Variants in CHL1 observed in about 807,000 individuals in gnomAD.
CHL1 encodes neural cell adhesion molecule L1-like protein.
A neutral mutation model predicts 141.9 loss-of-function variants in CHL1; 96 were observed. The observed-to-expected ratio is 0.68, with a 90% CI of 0.57 to 0.80. The LOEUF (loss-of-function observed/expected upper bound fraction) is 0.80. Ranked by LOEUF, CHL1 falls within the 30% of genes least tolerant of loss-of-function variation. The pLI is 0.00. For missense variants in CHL1, 1,820 were observed against 1,457.2 expected (o/e 1.25, Z -4.05); for synonymous variants, 613 against 502.2 (o/e 1.22, Z -2.95).
At chr3:303,573 C>T (rs553056045) in intron 2 of CHL1, among the ~76,000 whole-genome samples, 8 of 152,236 alleles carry the variant, frequency 5.3e-5, no homozygotes, top group South Asian at 2.1e-4. Context: ...GATTTTTGCA[C>T]GTTGATTTTG....
chr3:229,461 C>T (rs566682932), intron 1 of CHL1, among the ~76,000 whole-genome samples: 1 of 152,256 alleles, frequency 6.6e-6, no homozygotes, highest in East Asian at 1.9e-4. Context: ...TCAGTGCAGG[C>T]AACAACCTGA....
chr3:280,419 C>G (rs963975025), intron 2 of CHL1, among the ~76,000 whole-genome samples: 10 of 152,024 alleles, frequency 6.6e-5, no homozygotes, highest in Admixed American at 2.0e-4. Flanking sequence ...TAACAGCAAA[C>G]TGAAGAGCCA....
chr3:362,726 G>A (rs1198514252), intron 13 of CHL1, among the ~76,000 whole-genome samples: 3 of 152,182 alleles, frequency 2.0e-5, no homozygotes, highest in South Asian at 2.1e-4. Context: ...TGGAGGAAAT[G>A]GCTCTGGGGT....
intron 2 of CHL1, among the ~76,000 whole-genome samples, chr3:304,129 G>A (rs1189908242): frequency 6.6e-6 from 1 of 152,086 alleles, no homozygotes; most frequent in Non-Finnish European, 1.5e-5. Context: ...ATGTGCTGCT[G>A]GATTCCATTT....
chr3:350,925 A>G (rs1186041268), intron 10 of CHL1, among the ~76,000 whole-genome samples: 15 of 152,192 alleles, frequency 9.9e-5, no homozygotes, highest in Admixed American at 5.9e-4. Context: ...ATTTTTAGTC[A>G]TCATTTGATG....
At chr3:241,571 A>G (rs1418536394) in intron 1 of CHL1, among the ~76,000 whole-genome samples, 13 of 141,620 alleles carry the variant, frequency 9.2e-5, no homozygotes, top group Admixed American at 9.0e-4. Flanking sequence ...TCCTTCCAGT[A>G]TACTTCTCTC....
chr3:311,261 G>T (rs1279785704), intron 2 of CHL1, among the ~76,000 whole-genome samples: 1 of 152,086 alleles, frequency 6.6e-6, no homozygotes, highest in African/African-American at 2.4e-5. Context: ...TGGATCACAT[G>T]TGAGAGTTTG....
intron 22 of CHL1, 27 bp from the exon 23 acceptor site, chr3:391,648 G>C (rs1232355125): frequency 6.4e-7 from 1 of 1,556,992 alleles, no homozygotes; most frequent in African/African-American, 1.4e-5. Flanking sequence ...ATTGATGTGA[G>C]TTTATTTTTG....
At chr3:394,558 G>C in intron 23 of CHL1, 135 bp from the exon 24 acceptor site, 1 of 658,590 alleles carries the variant, frequency 1.5e-6, no homozygotes, top group Middle Eastern at 4.2e-4. Context: ...TACCTCATAG[G>C]ATTAAATGAG....
At chr3:299,254 T>C (rs1021104181) in intron 2 of CHL1, among the ~76,000 whole-genome samples, 1 of 152,162 alleles carries the variant, frequency 6.6e-6, no homozygotes, top group Non-Finnish European at 1.5e-5. Context: ...CCTCCAGAAA[T>C]GCAGAAAGTT....
rs116389786 is a variant in CHL1 at position 354,907 on chromosome 3, G to C, written c.1165+136G>C. On this transcript the variant is annotated intron_variant, in intron 11 of 27. Coordinates refer to ENST00000256509, the MANE Select transcript of CHL1 (RefSeq NM_006614.4). ...AGATACAACCAGCAAATCAGAGATTGTTTATTTCTAAGCAATTTGGTTGTT... is the reference window on the plus strand; with the variant it reads ...AGATACAACCAGCAAATCAGAGATTCTTTATTTCTAAGCAATTTGGTTGTT... 4.8e-4 allele frequency: 538 copies of C among 1,112,618 alleles called. 6 individuals carry two copies. The African/African-American group carries it at 7.4e-3, about 15-fold the overall frequency. 68.9% of individuals were successfully genotyped at this position (1,112,618 alleles called of 1,614,324 possible).
chr3:365,794 A>G lies in CHL1; in HGVS notation c.1586-156A>G, dbSNP rs114348324. Among the ~76,000 whole-genome samples the G allele has an allele frequency of 7.7e-3, 1,173 of 152,352 alleles. 18 individuals carry two copies. Among genetic ancestry groups the G allele is most frequent in the African/African-American group, 0.027 (1,118 of 41,576 alleles). ...GTCCAAGCCTGGATGGAAAGAAAAT[A>G]ATAATGACATACAATGTTAGGAAAT... On this transcript the variant is annotated intron_variant, in intron 14 of 27. Transcript: ENST00000256509.
intron 24 of CHL1, among the ~76,000 whole-genome samples, chr3:395,550 A>G (rs1257761772): frequency 3.9e-5 from 6 of 152,364 alleles, no homozygotes; most frequent in South Asian, 2.1e-4. Context: ...ATCAGGTCAG[A>G]GGAACTGATG....
chr3:319,610 A>AAAG, intron 2 of CHL1, 73 bp from the exon 3 acceptor site: 1 of 486,348 alleles, frequency 2.1e-6, no homozygotes, highest in Non-Finnish European at 3.6e-6. Flanking sequence ...AAAAAAAAAA[A>AAAG]GAAGGTATTT....
At chr3:325,491 G>A (rs1700933702) in intron 3 of CHL1, among the ~76,000 whole-genome samples, 1 of 151,846 alleles carries the variant, frequency 6.6e-6, no homozygotes, top group African/African-American at 2.4e-5. Context: ...ACCAGTAATA[G>A]AATTATTAAA....
chr3:226,082 C>T (rs1701317293), intron 1 of CHL1, among the ~76,000 whole-genome samples: 1 of 151,034 alleles, frequency 6.6e-6, no homozygotes, highest in Non-Finnish European at 1.5e-5. Context: ...AGTGCGGAGG[C>T]ACGATCTCAG....
intron 2 of CHL1, among the ~76,000 whole-genome samples, chr3:268,863 G>C (rs182051424): frequency 1.3e-5 from 2 of 152,142 alleles, no homozygotes; most frequent in Non-Finnish European, 2.9e-5. Context: ...TCCAGTATTC[G>C]AGAATACAGG....
intron 5 of CHL1, among the ~76,000 whole-genome samples, chr3:337,539 C>A (rs1262016945): frequency 4.0e-5 from 6 of 150,522 alleles, no homozygotes; most frequent in Non-Finnish European, 7.4e-5. Flanking sequence ...ACAACAGGCC[C>A]CGGTGTGTGA....
At chr3:244,715 G>C (rs751835286) in intron 2 of CHL1, 23 bp downstream of exon 2, 3 of 152,156 alleles carry the variant, frequency 2.0e-5, no homozygotes, top group Non-Finnish European at 4.4e-5. Flanking sequence ...TCCTTAATCA[G>C]TTGTTTTATG....
Sources: gnomAD v4.1 joint callset for allele counts (sites outside exome capture counted in the v4.1 genomes callset) on GRCh38, gnomAD v4.1.1 for gene constraint, MANE v1.5 for transcripts, NCBI Gene and HGNC (gene_info 2026-07-23, HGNC 2026-07-21) for gene names.